Variants in LMO7 observed in about 807,000 individuals in gnomAD.
The protein encoded by LMO7 is LIM domain only protein 7.
A neutral mutation model predicts 206.5 loss-of-function variants in LMO7; 120 were observed. The observed-to-expected ratio is 0.58, with a 90% confidence interval of 0.50 to 0.68. The LOEUF is 0.68. LMO7 is among the 30% of genes least tolerant of loss of function. The pLI, the probability that LMO7 is intolerant of heterozygous loss-of-function variation, is 0.00. For synonymous variants in LMO7, 706 were observed against 681.5 expected (o/e 1.04, Z -0.56); for missense variants, 1,959 against 1,957.9 (o/e 1.00, Z -0.01).
At chr13:75,834,623 G>C (rs1183764638) in intron 17 of LMO7, among the ~76,000 whole-genome samples, 1 of 152,130 alleles carries the variant, frequency 6.6e-6, no homozygotes, top group African/African-American at 2.4e-5. Flanking sequence ...TCATGTACTG[G>C]TTTGACTGAA....
In LMO7 at chr13:75,636,480, C is replaced by A. The variant is rs2035868677; in HGVS notation, c.-178C>A. On this transcript the variant is annotated 5_prime_UTR_variant, in exon 1 of 31. Transcript: ENST00000377534. Reference sequence around the variant, plus strand: ...CTTCACGTTCGTGTAGGTTCGAGACCTTAACGAACTGCAGAGCGCAACAAA... The same window carrying A: ...CTTCACGTTCGTGTAGGTTCGAGACATTAACGAACTGCAGAGCGCAACAAA... The A allele has an allele frequency of 9.6e-6, 14 of 1,455,070 alleles. No homozygotes were observed. Among genetic ancestry groups the A allele is most frequent in the Non-Finnish European group, 1.3e-5 (14 of 1,113,994 alleles). The allele number at this position is 1,455,070 out of a possible 1,614,324, so 90.1% of individuals were successfully genotyped here.
At chr13:75,657,985 G>T (rs139308686) in intron 1 of LMO7, among the ~76,000 whole-genome samples, 1 of 151,658 alleles carries the variant, frequency 6.6e-6, no homozygotes, top group African/African-American at 2.4e-5. Flanking sequence ...TTCACATTTG[G>T]GTAGCCAGTT....
rs919985535 is a variant in LMO7, at chr13:75,716,910, T to C, written c.140+3658T>C. Among the ~76,000 whole-genome samples the C allele has an allele frequency of 4.8e-4, 64 of 132,740 alleles. 1 individual carries two copies. In the East Asian group the frequency reaches 1.0e-2, roughly 21 times the overall value. 87.1% of individuals were successfully genotyped at this position (132,740 alleles called of 152,430 possible). A position where few individuals can be genotyped will look rare whatever the true frequency, so the allele number is the denominator to read the frequency against. On this transcript the variant is annotated intron_variant, in intron 2 of 30. Transcript: ENST00000377534. The stretch of plus-strand genomic sequence containing the variant: ...GAAAACACTCTTTTTTTTTTTTTTT[T>C]CTCTGATGAAGAAAGAAGATTTGCT...
intron 1 of LMO7, among the ~76,000 whole-genome samples, chr13:75,709,049 T>C (rs898491055): frequency 6.6e-5 from 10 of 152,068 alleles, no homozygotes; most frequent in Admixed American, 1.3e-4. Context: ...CATGCGGTGT[T>C]TGGTTTTTTG....
At chr13:75,767,257 G>A (rs2049023168) in intron 4 of LMO7, among the ~76,000 whole-genome samples, 2 of 152,048 alleles carry the variant, frequency 1.3e-5, no homozygotes, top group Non-Finnish European at 2.9e-5. Flanking sequence ...ACATTTCAGT[G>A]TCTTCATATC....
intron 26 of LMO7, among the ~76,000 whole-genome samples, chr13:75,848,573 T>C (rs1001589379): frequency 1.3e-5 from 2 of 151,908 alleles, no homozygotes; most frequent in African/African-American, 4.8e-5. Context: ...AGTGAGCAAA[T>C]ATCTTTTTCA....
chr13:75,855,511 G>A (rs1207441634), intron 29 of LMO7, 143 bp downstream of exon 29: 2 of 502,160 alleles, frequency 4.0e-6, no homozygotes, highest in East Asian at 6.2e-5. Flanking sequence ...GTCACAAATT[G>A]CTTGCTCCTC....
chr13:75,812,995 G>A (rs2056582032), intron 11 of LMO7, among the ~76,000 whole-genome samples: 1 of 152,224 alleles, frequency 6.6e-6, no homozygotes, highest in Middle Eastern at 3.2e-3. Flanking sequence ...CCGACAGATA[G>A]GGATGTGGAG....
In LMO7 at chr13:75,679,963, T is replaced by C. The variant is rs1594235545; in HGVS notation, c.70-33219T>C. ...GTGCAGAATGTGCAGGTTTGTTACATAGGTAAACGTGTGCCATGGTAGTTT... is the reference window on the plus strand; with the variant it reads ...GTGCAGAATGTGCAGGTTTGTTACACAGGTAAACGTGTGCCATGGTAGTTT... On this transcript the variant is annotated intron_variant, in intron 1 of 30. Transcript: ENST00000377534. 3.3e-5 allele frequency among the ~76,000 whole-genome samples: 5 copies of C among 152,316 alleles called. No homozygotes were observed. In the South Asian group the frequency reaches 6.2e-4, roughly 19 times the overall value.
At position 75,836,133 on chromosome 13, in the gene LMO7, C is replaced by A. The variant is rs538534544; in HGVS notation, c.3334-264C>A. 2.0e-5 allele frequency among the ~76,000 whole-genome samples: 3 copies of A among 152,232 alleles called. No individual in the cohort carries two copies. The South Asian group carries it at 6.2e-4, about 32-fold the overall frequency. ...ATAAGCCAAATGGACTAATGATTAT[C>A]TAGCTGATTTTATTTCTTGGAAAAT... On this transcript the variant is annotated intron_variant, in intron 18 of 30. Transcript: ENST00000377534.
intron 1 of LMO7, among the ~76,000 whole-genome samples, chr13:75,670,121 C>A (rs1402801948): frequency 6.6e-6 from 1 of 152,228 alleles, no homozygotes; most frequent in South Asian, 2.1e-4. Context: ...CTCTCCTCCT[C>A]CCTGCCTTTT....
intron 1 of LMO7, among the ~76,000 whole-genome samples, chr13:75,711,773 GA>G (rs1410174633): frequency 6.6e-6 from 1 of 152,216 alleles, no homozygotes; most frequent in Non-Finnish European, 1.5e-5. Context: ...TTTTTCTTAT[GA>G]GGCTGTGGGC....
intron 1 of LMO7, among the ~76,000 whole-genome samples, chr13:75,679,111 A>T (rs9544020): frequency 6.6e-6 from 1 of 151,954 alleles, no homozygotes; most frequent in African/African-American, 2.4e-5. Context: ...TTTTCATGAC[A>T]CAGAATATTT....
At chr13:75,663,432 C>CTTTCTTTTTTTTTTT (rs1555289857) in intron 1 of LMO7, among the ~76,000 whole-genome samples, 23 of 111,406 alleles carry the variant, frequency 2.1e-4, no homozygotes, top group Non-Finnish European at 2.6e-4. Context: ...TTCTTTCTTT[C>CTTTCTTTTTTTTTTT]TTTTTTTTTT....
chr13:75,833,205 T>A, intron 16 of LMO7, 40 bp downstream of exon 16: 9 of 1,148,406 alleles, frequency 7.8e-6, no homozygotes, highest in Non-Finnish European at 1.2e-5. Flanking sequence ...TTCTTCTCCT[T>A]TTCTATCCTT....
intron 2 of LMO7, among the ~76,000 whole-genome samples, chr13:75,715,786 G>C (rs956572062): frequency 1.1e-4 from 16 of 152,184 alleles, no homozygotes; most frequent in African/African-American, 3.9e-4. Flanking sequence ...ACTCTGAAAT[G>C]ATTAAGCAGG....
rs538543973 is a variant in LMO7, at chr13:75,735,534, T to A, written c.210+8436T>A. Among the ~76,000 whole-genome samples the A allele has an allele frequency of 1.3e-3, 194 of 152,252 alleles. 1 individual carries two copies. Among genetic ancestry groups the A allele is most frequent in the African/African-American group, 4.5e-3 (185 of 41,538 alleles). ...TGGAGAGCAGTGGGGTGATCTTGGC[T>A]CCCTGCAAACTCCGCCTTCTGGGTT... On this transcript the variant is annotated intron_variant, in intron 3 of 30. Coordinates refer to ENST00000377534, the MANE Select transcript of LMO7 (RefSeq NM_001306080.2).
chr13:75,714,426 T>C (rs995402681), intron 2 of LMO7, among the ~76,000 whole-genome samples: 1 of 152,206 alleles, frequency 6.6e-6, no homozygotes, highest in Non-Finnish European at 1.5e-5. Context: ...TAACAGTCTA[T>C]CTTGTCAGCT....
rs372308172 is a variant in LMO7, at chr13:75,807,584, G to A, written c.1301G>A (p.Arg434His). The A allele has an allele frequency of 5.3e-5, 86 of 1,613,722 alleles. No individual in the cohort carries two copies. Among genetic ancestry groups the A allele is most frequent in the Middle Eastern group, 3.3e-4 (2 of 6,084 alleles). ...DPTSGPRLIT[R>H]RKNLSYAPGY... ...ACTTCTGGCCCAAGGCTCATAACCCGCAGGAAGAATCTCTCTTATGCACCA... is the reference window on the plus strand; with the variant it reads ...ACTTCTGGCCCAAGGCTCATAACCCACAGGAAGAATCTCTCTTATGCACCA... The change falls in exon 10 of 31, where the codon CGC becomes CAC. Residue 434 changes from arginine to histidine, a missense_variant. Transcript: ENST00000377534.
Sources: allele counts gnomAD v4.1 joint callset (sites outside exome capture counted in the v4.1 genomes callset), GRCh38; gene constraint gnomAD v4.1.1; transcripts MANE v1.5; gene names NCBI Gene and HGNC (gene_info 2026-07-23, HGNC 2026-07-21).